The following PLA2G12A variants were observed in gnomAD, a reference collection of about 807,000 sequenced individuals.
PLA2G12A encodes the protein group XIIA secretory phospholipase A2.
Under a neutral mutation model 16.0 loss-of-function variants are expected in PLA2G12A, and 11 were observed. The ratio of observed to expected loss-of-function variants is 0.69; its 90% CI spans 0.43 to 1.13. The LOEUF is 1.13. Among genes scored for constraint, PLA2G12A ranks in the 50% most tolerant of loss-of-function variants. PLA2G12A has a pLI of 0.00. For missense variants in PLA2G12A, 214 were observed against 237.3 expected (o/e 0.90, Z 0.65); for synonymous variants, 77 against 93.8 (o/e 0.82, Z 1.03).
At chr4:109,721,502 A>G (rs1435216057) in intron 1 of PLA2G12A, among the ~76,000 whole-genome samples, 1 of 151,986 alleles carries the variant, frequency 6.6e-6, no homozygotes, top group Non-Finnish European at 1.5e-5. Flanking sequence ...TTGTATTTTT[A>G]GTAGAGACGG....
rs1177628029 is a variant in PLA2G12A, at chr4:109,729,994, C to G, written c.-185G>C. 1.8e-6 allele frequency: 1 copy of G among 543,368 alleles called. No individual in the cohort carries two copies. Among genetic ancestry groups the G allele is most frequent in the Admixed American group, 4.1e-5 (1 of 24,416 alleles). The allele number at this position is 543,368 out of a possible 1,614,324, so 33.7% of individuals were successfully genotyped here. A position where few individuals can be genotyped will look rare whatever the true frequency, so the allele number is the denominator to read the frequency against. On this transcript the variant is annotated 5_prime_UTR_variant, in exon 1 of 4. Coordinates refer to ENST00000243501, the MANE Select transcript of PLA2G12A (RefSeq NM_030821.5). ...CTTTACGTGAACCGCCTCGGGCAGGCAGCGCCGTCGCGGGGACGCGCCCGC... is the reference window on the plus strand; with the variant it reads ...CTTTACGTGAACCGCCTCGGGCAGGGAGCGCCGTCGCGGGGACGCGCCCGC...
chr4:109,714,570 A>G (rs1396905966), intron 3 of PLA2G12A, 75 bp from the exon 4 acceptor site: 2 of 934,378 alleles, frequency 2.1e-6, no homozygotes, highest in Non-Finnish European at 3.5e-6. Flanking sequence ...ATTACAGCAC[A>G]GCAACAAGCA....
chr4:109,711,463 A>G lies in PLA2G12A; in HGVS notation c.*2914T>C, dbSNP rs1730728183. 1 of 152,168 alleles carries G rather than the reference A, an allele frequency of 6.6e-6. No homozygotes were observed. Among genetic ancestry groups the G allele is most frequent in the East Asian group, 1.9e-4 (1 of 5,190 alleles). The allele number at this position is 152,168 out of a possible 1,614,324, so 9.4% of individuals were successfully genotyped here. A position where few individuals can be genotyped will look rare whatever the true frequency, so the allele number is the denominator to read the frequency against. The stretch of plus-strand genomic sequence containing the variant: ...AGTGCCAGAAAGTAAGAAGTGCTCA[A>G]AAATCAAAAGGATGGGCACATCAAA... On this transcript the variant is annotated 3_prime_UTR_variant, in exon 4 of 4. Coordinates refer to ENST00000243501, the MANE Select transcript of PLA2G12A (RefSeq NM_030821.5).
rs972326195 is a variant in PLA2G12A, at chr4:109,714,628, C to T, written c.452-133G>A. The T allele has an allele frequency of 2.6e-5, 17 of 657,772 alleles. No individual in the cohort carries two copies. The Middle Eastern group carries it at 7.5e-4, about 29-fold the overall frequency. 40.7% of individuals were successfully genotyped at this position (657,772 alleles called of 1,614,324 possible). Reference sequence around the variant, plus strand: ...GTATGCTAGATGAAATCACCAAACTCTCACAACCTGTAGCATATTTACATA... The same window carrying T: ...GTATGCTAGATGAAATCACCAAACTTTCACAACCTGTAGCATATTTACATA... On this transcript the variant is annotated intron_variant, in intron 3 of 3. Transcript: ENST00000243501.
chr4:109,719,917 A>AAC (rs1328987389), intron 1 of PLA2G12A, among the ~76,000 whole-genome samples: 1 of 152,228 alleles, frequency 6.6e-6, no homozygotes, highest in Admixed American at 6.5e-5. Context: ...AGCAAAAAAA[A>AAC]ACCCCACAAT....
intron 1 of PLA2G12A, among the ~76,000 whole-genome samples, chr4:109,720,482 C>T (rs985652755): frequency 4.0e-5 from 6 of 149,402 alleles, no homozygotes; most frequent in South Asian, 2.1e-4. Flanking sequence ...TGGTGGCTCA[C>T]GCCTATAATC....
In PLA2G12A at chr4:109,711,053, CTTTTTTTTTTT is replaced by C. The variant is rs67674001; in HGVS notation, c.*3313_*3323del. 21 of 57,240 alleles carry C rather than the reference CTTTTTTTTTTT, an allele frequency of 3.7e-4. No individual in the cohort carries two copies. Among genetic ancestry groups the C allele is most frequent in the African/African-American group, 1.4e-3 (17 of 11,900 alleles). 3.5% of individuals were successfully genotyped at this position (57,240 alleles called of 1,614,324 possible). ...AGAGCTGCTGACAGTTAGTTCTTGC[CTTTTTTTTTTT>C]TTTTTTTTTTTTGCTCTTTTAATGA... On this transcript the variant is annotated 3_prime_UTR_variant, in exon 4 of 4. Transcript: ENST00000243501.
Position 109,723,482 on chromosome 4 carries a change from C to T in PLA2G12A, c.209-4723G>A, listed in dbSNP as rs1199656425. On this transcript the variant is annotated intron_variant, in intron 1 of 3. Transcript: ENST00000243501. The stretch of plus-strand genomic sequence containing the variant: ...GGTCCACTACAGATGAGTCCTCTCT[C>T]CAAGCAGCCGTGAAGTCATCAAATA... Among the ~76,000 whole-genome samples, 4 of 152,302 alleles carry T rather than the reference C, an allele frequency of 2.6e-5. No homozygotes were observed. The East Asian group carries it at 7.7e-4, about 29-fold the overall frequency.
At chr4:109,721,725 C>T (rs1475514445) in intron 1 of PLA2G12A, among the ~76,000 whole-genome samples, 1 of 152,170 alleles carries the variant, frequency 6.6e-6, no homozygotes, top group African/African-American at 2.4e-5. Flanking sequence ...TCCCTCCTGA[C>T]ATTCACCTCA....
intron 3 of PLA2G12A, among the ~76,000 whole-genome samples, chr4:109,715,588 T>C (rs2040716): frequency 0.67 from 101,116 of 151,904 alleles, 34,198 homozygotes; most frequent in African/African-American, 0.79. Flanking sequence ...TGGGTTCAAG[T>C]GATTCTTCCA....
rs574317447 is a variant in PLA2G12A, at chr4:109,711,597, T to C, written c.*2780A>G. 2 of 152,278 alleles carry C rather than the reference T, an allele frequency of 1.3e-5. No homozygotes were observed. The highest frequency in any genetic ancestry group is 3.9e-4 in the East Asian group (2 of 5,178). 9.4% of individuals were successfully genotyped at this position (152,278 alleles called of 1,614,324 possible). On this transcript the variant is annotated 3_prime_UTR_variant, in exon 4 of 4. Coordinates refer to ENST00000243501, the MANE Select transcript of PLA2G12A (RefSeq NM_030821.5). ...ATACAAAATATACATGAGTCCATAC[T>C]GATGTAAACAAATTAGGGTGGGAGG... is the stretch of plus-strand genomic sequence containing the variant.
At chr4:109,721,123 T>C (rs906629157) in intron 1 of PLA2G12A, among the ~76,000 whole-genome samples, 10 of 151,646 alleles carry the variant, frequency 6.6e-5, no homozygotes, top group Admixed American at 2.0e-4. Context: ...AAAGGAAAAA[T>C]GTATACAAAA....
intron 3 of PLA2G12A, 54 bp from the exon 4 acceptor site, chr4:109,714,549 CTA>C: frequency 1.8e-6 from 2 of 1,135,286 alleles, no homozygotes; most frequent in Non-Finnish European, 2.7e-6. Context: ...CTCTTTTCAC[CTA>C]TGTTACACAT....
intron 1 of PLA2G12A, among the ~76,000 whole-genome samples, chr4:109,720,604 A>C (rs1178434939): frequency 2.8e-5 from 1 of 35,586 alleles, no homozygotes. Flanking sequence ...AAAAAAAAAA[A>C]ATATATATAT....
At chr4:109,724,841 G>A (rs1396506357) in intron 1 of PLA2G12A, among the ~76,000 whole-genome samples, 1 of 152,170 alleles carries the variant, frequency 6.6e-6, no homozygotes, top group African/African-American at 2.4e-5. Flanking sequence ...TAAAAATCAA[G>A]TAATAAAGAG....
rs1055515570 is a variant in PLA2G12A at position 109,712,154 on chromosome 4, A to G, written c.*2223T>C. 6.6e-6 allele frequency: 1 copy of G among 152,226 alleles called. No individual in the cohort carries two copies. The highest frequency in any genetic ancestry group is 1.5e-5 in the Non-Finnish European group (1 of 68,032). The allele number at this position is 152,226 out of a possible 1,614,324, so 9.4% of individuals were successfully genotyped here. A position where few individuals can be genotyped will look rare whatever the true frequency, so the allele number is the denominator to read the frequency against. On this transcript the variant is annotated 3_prime_UTR_variant, in exon 4 of 4. Coordinates refer to ENST00000243501, the MANE Select transcript of PLA2G12A (RefSeq NM_030821.5). ...AAAAAACTAGTACAATCTGAAAAAT[A>G]AAGTCAAAGTTCCGTTAATAGTAAT...
Position 109,729,817 on chromosome 4 carries a change from G to C in PLA2G12A, c.-8C>G, listed in dbSNP as rs762258865. Reference sequence around the variant, plus strand: ...GCGCGAGAGCAGGGCCATGCGCGCAGCGCCGGGCTCTACGGGTCCCCGAGC... The same window carrying C: ...GCGCGAGAGCAGGGCCATGCGCGCACCGCCGGGCTCTACGGGTCCCCGAGC... On this transcript the variant is annotated 5_prime_UTR_variant, in exon 1 of 4. Coordinates refer to ENST00000243501, the MANE Select transcript of PLA2G12A (RefSeq NM_030821.5). 1.9e-6 allele frequency: 3 copies of C among 1,546,716 alleles called. No homozygotes were observed. Among genetic ancestry groups the C allele is most frequent in the Non-Finnish European group, 2.6e-6 (3 of 1,145,852 alleles).
chr4:109,718,551 T>C, intron 2 of PLA2G12A, 132 bp downstream of exon 2: 1 of 663,106 alleles, frequency 1.5e-6, no homozygotes, highest in East Asian at 3.1e-5. Context: ...AAAAAGAATC[T>C]AATAAACCTG....
chr4:109,730,028 A>C lies in PLA2G12A; in HGVS notation c.-219T>G, dbSNP rs1464598622. The C allele has an allele frequency of 2.1e-6, 1 of 476,610 alleles. No homozygotes were observed. The highest frequency in any genetic ancestry group is 4.4e-5 in the Admixed American group (1 of 22,520). The allele number at this position is 476,610 out of a possible 1,614,324, so 29.5% of individuals were successfully genotyped here. A position where few individuals can be genotyped will look rare whatever the true frequency, so the allele number is the denominator to read the frequency against. ...CGCGGGGACGCGCCCGCTCACCTGG[A>C]CCAGCGCGCCCGCTCACCTGGGCCA... On this transcript the variant is annotated 5_prime_UTR_variant, in exon 1 of 4. Coordinates refer to ENST00000243501, the MANE Select transcript of PLA2G12A (RefSeq NM_030821.5).
Sources: gnomAD v4.1 joint callset for allele counts (sites outside exome capture counted in the v4.1 genomes callset) on GRCh38, gnomAD v4.1.1 for gene constraint, MANE v1.5 for transcripts, NCBI Gene and HGNC (gene_info 2026-07-23, HGNC 2026-07-21) for gene names.